The following SKAP1 variants were observed in gnomAD, a reference collection of about 807,000 sequenced individuals.
The protein encoded by SKAP1 is src kinase associated phosphoprotein 1.
SKAP1 carries 44 observed loss-of-function variants against 58.5 expected under a neutral mutation model. The ratio of observed to expected loss-of-function variants is 0.75; its 90% CI spans 0.59 to 0.97. The LOEUF (loss-of-function observed/expected upper bound fraction) is 0.97, where lower values mean the gene tolerates loss of function less well. Among genes scored for constraint, SKAP1 ranks in the 50% least tolerant of loss-of-function variants. The pLI, the probability that SKAP1 is intolerant of heterozygous loss-of-function variation, is 0.00. For synonymous variants in SKAP1, 127 were observed against 149.7 expected (o/e 0.85, Z 1.11); for missense variants, 390 against 435.2 (o/e 0.90, Z 0.92).
chr17:48,162,544 G>A lies in SKAP1; in HGVS notation c.903C>T (p.Gly301=). ...KGVDYASYYQ[G]LWDCHGDQPD... is the part of the protein sequence containing the mutation. The stretch of plus-strand genomic sequence containing the variant: ...GCTGGTCACCATGGCAATCCCATAG[G>A]CCCTGGTAGTAACTGGCATAGTCTA... The change falls in exon 11 of 13, where the codon GGC becomes GGT. Residue 301 remains glycine, a synonymous_variant. Coordinates refer to ENST00000336915, the MANE Select transcript of SKAP1 (RefSeq NM_003726.4). 6.2e-7 allele frequency: 1 copy of A among 1,613,444 alleles called. No individual in the cohort carries two copies.
upstream of SKAP1, among the ~76,000 whole-genome samples, chr17:48,434,763 A>G (rs534769584): frequency 2.8e-4 from 42 of 152,342 alleles, no homozygotes; most frequent in South Asian, 8.7e-3. Flanking sequence ...AAGCTCTTGT[A>G]GAACTGAAAA....
chr17:48,246,385 G>C (rs2065297159), intron 4 of SKAP1, among the ~76,000 whole-genome samples: 1 of 152,146 alleles, frequency 6.6e-6, no homozygotes, highest in Non-Finnish European at 1.5e-5. Flanking sequence ...CTACACCTTT[G>C]TGGGTATAGC....
intron 3 of SKAP1, among the ~76,000 whole-genome samples, chr17:48,359,668 G>A (rs889998850): frequency 6.6e-6 from 1 of 152,098 alleles, no homozygotes; most frequent in Admixed American, 6.6e-5. Context: ...GTGCAGTGGC[G>A]CGATCTCGGC....
At chr17:48,400,531 G>A (rs9914121) in intron 1 of SKAP1, among the ~76,000 whole-genome samples, 14,078 of 152,008 alleles carry the variant, frequency 0.093, 994 homozygotes, top group African/African-American at 0.17. Context: ...GGAGGCCAAG[G>A]CGGGCAGATC....
chr17:48,429,136 T>C (rs540927765), intron 1 of SKAP1, among the ~76,000 whole-genome samples: 2 of 152,240 alleles, frequency 1.3e-5, no homozygotes, highest in Non-Finnish European at 2.9e-5. Flanking sequence ...CTGTTAAATA[T>C]GTGTCAACTA....
chr17:48,328,681 A>G (rs2066467614), intron 4 of SKAP1, among the ~76,000 whole-genome samples: 1 of 152,136 alleles, frequency 6.6e-6, no homozygotes, highest in African/African-American at 2.4e-5. Context: ...CTCTTCTTCA[A>G]AGCACTTTGC....
intron 4 of SKAP1, chr17:48,295,692 T>C (rs2144101103): frequency 6.6e-6 from 1 of 152,000 alleles, no homozygotes; most frequent in East Asian, 1.9e-4. Flanking sequence ...AATATTTTTG[T>C]GTCTGGCACA....
At chr17:48,176,618 G>GAT (rs1246503010) in intron 9 of SKAP1, among the ~76,000 whole-genome samples, 1 of 152,138 alleles carries the variant, frequency 6.6e-6, no homozygotes, top group East Asian at 1.9e-4. Context: ...AATTCCACCA[G>GAT]ATACCAACCT....
chr17:48,371,310 A>C (rs2067082241), intron 2 of SKAP1, among the ~76,000 whole-genome samples: 1 of 152,178 alleles, frequency 6.6e-6, no homozygotes, highest in African/African-American at 2.4e-5. Context: ...TAAACAATTC[A>C]CAGAAAACAT....
At chr17:48,262,314 CA>C (rs1446905043) in intron 4 of SKAP1, among the ~76,000 whole-genome samples, 2 of 152,090 alleles carry the variant, frequency 1.3e-5, no homozygotes, top group South Asian at 2.1e-4. Context: ...AATGACTCAC[CA>C]AAAGGCATAT....
rs563371205 is a variant in SKAP1 at position 48,170,789 on chromosome 17, C to T, written c.827-130G>A. 11 of 757,490 alleles carry T rather than the reference C, an allele frequency of 1.5e-5. No individual in the cohort carries two copies. The East Asian group carries it at 2.8e-4, about 19-fold the overall frequency. The allele number at this position is 757,490 out of a possible 1,614,324, so 46.9% of individuals were successfully genotyped here. On this transcript the variant is annotated intron_variant, in intron 9 of 12. Coordinates refer to ENST00000336915, the MANE Select transcript of SKAP1 (RefSeq NM_003726.4). ...CAGTGGAACGATTTTCGGTTCACTG[C>T]AAATTCCACGTCTGGGGTTCAAGGG...
intron 4 of SKAP1, among the ~76,000 whole-genome samples, chr17:48,238,725 A>C (rs1236832990): frequency 1.3e-5 from 2 of 152,184 alleles, no homozygotes; most frequent in African/African-American, 4.8e-5. Flanking sequence ...TTCATGAAGT[A>C]AAAAATTGTA....
At chr17:48,217,267 C>T (rs1201114717) in intron 4 of SKAP1, among the ~76,000 whole-genome samples, 1 of 152,086 alleles carries the variant, frequency 6.6e-6, no homozygotes, top group Non-Finnish European at 1.5e-5. Flanking sequence ...GAGACCTGCC[C>T]TCTCAGTGGT....
the SKAP1 span, among the ~76,000 whole-genome samples, chr17:48,438,396 A>G: frequency 6.6e-6 from 1 of 152,156 alleles, no homozygotes; most frequent in Non-Finnish European, 1.5e-5. Context: ...ATTATCCATA[A>G]TCTCTCATTT....
chr17:48,144,056 C>T (rs556677577), intron 11 of SKAP1, among the ~76,000 whole-genome samples: 7 of 152,244 alleles, frequency 4.6e-5, no homozygotes, highest in African/African-American at 1.2e-4. Context: ...GTAGAAGCCT[C>T]GCCACAGTGA....
intron 4 of SKAP1, among the ~76,000 whole-genome samples, chr17:48,263,911 CAAGA>C (rs1334706449): frequency 1.3e-5 from 2 of 152,082 alleles, no homozygotes; most frequent in Non-Finnish European, 2.9e-5. Context: ...TTGCACAGAG[CAAGA>C]AAGGAGAGCA....
At chr17:48,184,503 G>A (rs1029325104) in intron 7 of SKAP1, among the ~76,000 whole-genome samples, 2 of 152,182 alleles carry the variant, frequency 1.3e-5, no homozygotes, top group Non-Finnish European at 2.9e-5. Flanking sequence ...AATGAAGGAT[G>A]GAAGCCAAGC....
intron 4 of SKAP1, among the ~76,000 whole-genome samples, chr17:48,205,756 G>A (rs533221010): frequency 4.6e-4 from 70 of 152,288 alleles, no homozygotes; most frequent in African/African-American, 1.5e-3. Context: ...ATGAAGCAAA[G>A]CTTTCCAAGT....
At chr17:48,174,018 C>T (rs1450317421) in intron 9 of SKAP1, among the ~76,000 whole-genome samples, 1 of 152,134 alleles carries the variant, frequency 6.6e-6, no homozygotes, top group Non-Finnish European at 1.5e-5. Flanking sequence ...AACTTAATTC[C>T]TTTATTCTTT....
Sources: gnomAD v4.1 joint callset for allele counts (sites outside exome capture counted in the v4.1 genomes callset) on GRCh38, gnomAD v4.1.1 for gene constraint, MANE v1.5 for transcripts, NCBI Gene and HGNC (gene_info 2026-07-23, HGNC 2026-07-21) for gene names.